Variants in C17orf67 observed in about 807,000 individuals in gnomAD.
C17orf67 encodes the protein uncharacterized protein C17orf67.
A neutral mutation model predicts 11.2 loss-of-function variants in C17orf67; 12 were observed. The ratio of observed to expected loss-of-function variants is 1.07; its 90% CI spans 0.68 to 1.73. C17orf67 has a LOEUF of 1.73. Among genes scored for constraint, C17orf67 ranks in the 40% most tolerant of loss-of-function variants. The probability of loss-of-function intolerance (pLI) is 0.00; values close to 1 mark genes in which losing one functional copy is unlikely to be tolerated. For synonymous variants in C17orf67, 59 were observed against 46.9 expected (o/e 1.26, Z -1.05); for missense variants, 115 against 113.5 (o/e 1.01, Z -0.06).
chr17:56,795,155 A>G lies in C17orf67; in HGVS notation c.182T>C (p.Leu61Pro), dbSNP rs752689174. The change falls in exon 7 of 8, where the codon CTG (leucine) becomes CCG (proline). Residue 61 changes from leucine (L) to proline (P), a missense_variant. Transcript: ENST00000397861. ...GAACTGCTCCTCAGCGCGATGCTCC[A>G]GGGCGAGCAGGTGGTGCATGTATTC... ...MREYMHHLLA[L>P]EHRAEEQFLE... 1.2e-6 allele frequency: 2 copies of G among 1,614,064 alleles called. No homozygotes were observed. The highest frequency in any genetic ancestry group is 2.2e-5 in the South Asian group (2 of 91,090).
chr17:56,818,179 A>G (rs1905809094), intron 4 of C17orf67, among the ~76,000 whole-genome samples: 1 of 152,098 alleles, frequency 6.6e-6, no homozygotes, highest in South Asian at 2.1e-4. Context: ...AAGAAAAAAG[A>G]AAAATTGTCA....
chr17:56,826,981 C>G (rs1906054916), intron 2 of C17orf67, among the ~76,000 whole-genome samples: 1 of 152,246 alleles, frequency 6.6e-6, no homozygotes, highest in Non-Finnish European at 1.5e-5. Context: ...GCCTGGCGCT[C>G]TGCACAAGCT....
Position 56,808,422 on chromosome 17 carries a change from C to T in C17orf67, c.156+6447G>A, listed in dbSNP as rs1160041045. ...CTACCTTCCCACCTTTCTCTTCATA[C>T]GCTACCTCCATATGCTGCCTCCATA... On this transcript the variant is annotated intron_variant, in intron 6 of 7. Coordinates refer to ENST00000397861, the MANE Select transcript of C17orf67 (RefSeq NM_001085430.4). Among the ~76,000 whole-genome samples the T allele has an allele frequency of 5.3e-5, 8 of 152,134 alleles. No homozygotes were observed. The South Asian group carries it at 6.2e-4, about 12-fold the overall frequency.
chr17:56,831,767 A>T (rs1194489042), intron 2 of C17orf67, among the ~76,000 whole-genome samples: 1 of 152,172 alleles, frequency 6.6e-6, no homozygotes, highest in Non-Finnish European at 1.5e-5. Context: ...ATGCAGGTCC[A>T]CGTGCCATGT....
intron 6 of C17orf67, among the ~76,000 whole-genome samples, chr17:56,806,664 T>A (rs2144123660): frequency 6.6e-6 from 1 of 152,310 alleles, no homozygotes; most frequent in Non-Finnish European, 1.5e-5. Flanking sequence ...TAGCTGGAAC[T>A]ACAGGTGCAT....
At chr17:56,803,518 T>C (rs978203331) in intron 6 of C17orf67, among the ~76,000 whole-genome samples, 5 of 152,350 alleles carry the variant, frequency 3.3e-5, no homozygotes, top group Admixed American at 6.5e-5. Context: ...AGTTTTTTTA[T>C]GGCAGTGACC....
At position 56,798,414 on chromosome 17, in the gene C17orf67, C is replaced by T. The variant is rs183138410; in HGVS notation, c.157-3234G>A. Among the ~76,000 whole-genome samples, 863 of 152,224 alleles carry T rather than the reference C, an allele frequency of 5.7e-3. 3 individuals are homozygous for T. The highest frequency in any genetic ancestry group is 0.02 in the African/African-American group (830 of 41,504). On this transcript the variant is annotated intron_variant, in intron 6 of 7. Transcript: ENST00000397861. The stretch of plus-strand genomic sequence containing the variant: ...ATCCCCTGTCTTCACACAGGCACAG[C>T]CTCCCCCACTACCAACATCCCCCAC...
At position 56,800,170 on chromosome 17, in the gene C17orf67, AT is replaced by A. The variant is rs1194785794; in HGVS notation, c.157-4991del. On this transcript the variant is annotated intron_variant, in intron 6 of 7. Coordinates refer to ENST00000397861, the MANE Select transcript of C17orf67 (RefSeq NM_001085430.4). ...AAGCTCCGCTTCCCGGGTTCACGCC[AT>A]TCTCCTGCCTTAGCCTCCCGAGTAG... Among the ~76,000 whole-genome samples, 5 of 139,900 alleles carry A rather than the reference AT, an allele frequency of 3.6e-5. No individual in the cohort carries two copies. In the South Asian group the frequency reaches 1.1e-3, roughly 32 times the overall value. 91.8% of individuals were successfully genotyped at this position (139,900 alleles called of 152,430 possible). A position where few individuals can be genotyped will look rare whatever the true frequency, so the allele number is the denominator to read the frequency against.
At chr17:56,803,290 GT>G (rs1176542881) in intron 6 of C17orf67, among the ~76,000 whole-genome samples, 2 of 152,210 alleles carry the variant, frequency 1.3e-5, no homozygotes. Flanking sequence ...ACAATTTACA[GT>G]ATTTATTAAA....
chr17:56,820,062 G>A (rs1053649101), intron 4 of C17orf67, among the ~76,000 whole-genome samples: 27 of 152,134 alleles, frequency 1.8e-4, no homozygotes, highest in African/African-American at 6.3e-4. Flanking sequence ...CTAGGAAAGC[G>A]GTACAGTAAG....
intron 2 of C17orf67, among the ~76,000 whole-genome samples, chr17:56,830,510 T>A (rs1332189696): frequency 6.6e-6 from 1 of 152,238 alleles, no homozygotes; most frequent in African/African-American, 2.4e-5. Flanking sequence ...TTTATTTCAC[T>A]ACAAGAGTGA....
chr17:56,816,030 C>A lies in C17orf67; in HGVS notation c.-200-20G>T. The A allele has an allele frequency of 2.3e-6, 2 of 854,604 alleles. No homozygotes were observed. Among genetic ancestry groups the A allele is most frequent in the East Asian group, 6.1e-5 (2 of 32,746 alleles). The allele number at this position is 854,604 out of a possible 1,614,324, so 52.9% of individuals were successfully genotyped here. A position where few individuals can be genotyped will look rare whatever the true frequency, so the allele number is the denominator to read the frequency against. On this transcript the variant is annotated intron_variant, in intron 4 of 7. Coordinates refer to ENST00000397861, the MANE Select transcript of C17orf67 (RefSeq NM_001085430.4). ...TTCATCCTGAGGAAGGAAATTGTTC[C>A]TCTGTAATATGACTTTCAGAGCTTG... is the stretch of plus-strand genomic sequence containing the variant.
At chr17:56,809,790 A>G (rs543024485) in intron 6 of C17orf67, among the ~76,000 whole-genome samples, 1 of 127,614 alleles carries the variant, frequency 7.8e-6, no homozygotes, top group African/African-American at 3.1e-5. Flanking sequence ...TCATACACAG[A>G]CCCCTCACAC....
intron 4 of C17orf67, among the ~76,000 whole-genome samples, chr17:56,818,272 G>C (rs945222650): frequency 6.6e-6 from 1 of 151,788 alleles, no homozygotes; most frequent in African/African-American, 2.4e-5. Context: ...ACACTATTTT[G>C]TTTTATCATA....
intron 7 of C17orf67, among the ~76,000 whole-genome samples, 163 bp from the exon 8 acceptor site, chr17:56,792,515 AGTGGTGGTGGTGGTGGTG>A (rs111716809): frequency 1.4e-5 from 1 of 73,574 alleles, no homozygotes; most frequent in African/African-American, 5.5e-5. Flanking sequence ...TAATGATGAT[AGTGGTGGTGGTGGTGGTG>A]GTGGTGGTGA....
intron 6 of C17orf67, among the ~76,000 whole-genome samples, chr17:56,807,420 G>A (rs984467335): frequency 6.6e-6 from 1 of 152,144 alleles, no homozygotes; most frequent in Non-Finnish European, 1.5e-5. Flanking sequence ...AGGTGAACAG[G>A]GATCACCTGG....
chr17:56,814,871 G>A lies in C17orf67; in HGVS notation c.154C>T (p.Arg52Trp), dbSNP rs758412594. 39 of 1,613,518 alleles carry A rather than the reference G, an allele frequency of 2.4e-5. No homozygotes were observed. Among genetic ancestry groups the A allele is most frequent in the African/African-American group, 8.0e-5 (6 of 75,012 alleles). Reference sequence around the variant, plus strand: ...AACTGCCAGAGCAAAGCACTCACCCGCATTGGCTCATCGGGGAATCCGGGT... The same window carrying A: ...AACTGCCAGAGCAAAGCACTCACCCACATTGGCTCATCGGGGAATCCGGGT... ...SKPGFPDEPM[R>W]EYMHHLLALE... Residue 52 changes from arginine (R) to tryptophan (W), a missense_variant and splice_region_variant, in exon 6 of 8, where the codon CGG (arginine) becomes TGG (tryptophan). Transcript: ENST00000397861.
chr17:56,807,224 G>A (rs1180169287), intron 6 of C17orf67, among the ~76,000 whole-genome samples: 1 of 152,210 alleles, frequency 6.6e-6, no homozygotes, highest in African/African-American at 2.4e-5. Flanking sequence ...GCCACCAAGT[G>A]GAATGAGAAG....
chr17:56,801,395 T>C (rs1014956000), intron 6 of C17orf67, among the ~76,000 whole-genome samples: 9 of 152,216 alleles, frequency 5.9e-5, no homozygotes, highest in Non-Finnish European at 8.8e-5. Flanking sequence ...GGGTCCACTA[T>C]AGAACTCTAA....
Sources: allele counts gnomAD v4.1 joint callset (sites outside exome capture counted in the v4.1 genomes callset), GRCh38; gene constraint gnomAD v4.1.1; transcripts MANE v1.5; gene names NCBI Gene and HGNC (gene_info 2026-07-23, HGNC 2026-07-21).